The following ANKUB1 variants were observed in gnomAD, a reference collection of about 807,000 sequenced individuals.
ANKUB1 encodes ankyrin repeat and ubiquitin domain containing 1.
ANKUB1 carries 42 observed loss-of-function variants against 49.3 expected under a neutral mutation model. The observed-to-expected ratio is 0.85, with a 90% CI of 0.67 to 1.10. The LOEUF is 1.10. ANKUB1 is among the 50% of genes least tolerant of loss of function. ANKUB1 has a pLI of 0.00. For synonymous variants in ANKUB1, 222 were observed against 231.0 expected (o/e 0.96, Z 0.35); for missense variants, 613 against 642.0 (o/e 0.95, Z 0.49).
chr3:149,773,685 T>C (rs1341142012), intron 3 of ANKUB1, among the ~76,000 whole-genome samples: 1 of 152,208 alleles, frequency 6.6e-6, no homozygotes, highest in East Asian at 1.9e-4. Context: ...TTTTATCTCC[T>C]GCTGAAATGA....
chr3:149,775,615 G>A (rs1717557465), intron 3 of ANKUB1, among the ~76,000 whole-genome samples: 3 of 152,054 alleles, frequency 2.0e-5, no homozygotes, highest in African/African-American at 7.3e-5. Flanking sequence ...ATGTGCCCAG[G>A]CAGCCATGAA....
chr3:149,769,683 A>G (rs1220499402), intron 4 of ANKUB1, among the ~76,000 whole-genome samples: 1 of 152,244 alleles, frequency 6.6e-6, no homozygotes, highest in East Asian at 1.9e-4. Context: ...CCTATAATTT[A>G]TTGAATGCTG....
intron 2 of ANKUB1, among the ~76,000 whole-genome samples, chr3:149,789,783 T>C (rs1334097508): frequency 6.6e-6 from 1 of 151,942 alleles, no homozygotes; most frequent in African/African-American, 2.4e-5. Flanking sequence ...GCTCATGCCA[T>C]CACGCGCAGC....
chr3:149,782,507 A>G (rs1717914928), intron 2 of ANKUB1, among the ~76,000 whole-genome samples: 1 of 152,188 alleles, frequency 6.6e-6, no homozygotes, highest in Non-Finnish European at 1.5e-5. Flanking sequence ...TAGTATACAT[A>G]TAACTGACTC....
intron 5 of ANKUB1, chr3:149,763,925 A>G: frequency 4.4e-6 from 2 of 456,302 alleles, no homozygotes; most frequent in Middle Eastern, 6.5e-4. Context: ...CCTGAATGAC[A>G]TGTGGTCCAA....
chr3:149,787,118 T>C (rs1718138262), intron 2 of ANKUB1, among the ~76,000 whole-genome samples: 1 of 152,204 alleles, frequency 6.6e-6, no homozygotes, highest in South Asian at 2.1e-4. Flanking sequence ...AGAAAGTCAC[T>C]GGTAGCTTGA....
At chr3:149,784,156 C>T (rs1717984564) in intron 2 of ANKUB1, among the ~76,000 whole-genome samples, 1 of 152,196 alleles carries the variant, frequency 6.6e-6, no homozygotes, top group African/African-American at 2.4e-5. Flanking sequence ...CTCAATCTCT[C>T]AGCATAAAAC....
At chr3:149,768,687 G>A (rs892629163) in intron 4 of ANKUB1, among the ~76,000 whole-genome samples, 1 of 152,112 alleles carries the variant, frequency 6.6e-6, no homozygotes, top group African/African-American at 2.4e-5. Flanking sequence ...GATTACAGGT[G>A]CGAGCCACCA....
chr3:149,789,845 G>T (rs1230298033), intron 2 of ANKUB1, among the ~76,000 whole-genome samples: 2 of 152,030 alleles, frequency 1.3e-5, no homozygotes, highest in East Asian at 1.9e-4. Context: ...GGCCAGGATG[G>T]TCTCTATCTC....
At chr3:149,780,811 T>C (rs918682774) in intron 2 of ANKUB1, among the ~76,000 whole-genome samples, 2 of 152,244 alleles carry the variant, frequency 1.3e-5, no homozygotes, top group African/African-American at 4.8e-5. Flanking sequence ...TTTGGAATAC[T>C]GTGGATTTGA....
intron 5 of ANKUB1, chr3:149,766,730 C>G: frequency 1.3e-6 from 1 of 770,200 alleles, no homozygotes; most frequent in South Asian, 1.6e-5. Flanking sequence ...CCTAGGAATT[C>G]AAGAATGCAA....
At chr3:149,777,790 T>A (rs1169784956) in intron 3 of ANKUB1, among the ~76,000 whole-genome samples, 1 of 152,236 alleles carries the variant, frequency 6.6e-6, no homozygotes, top group African/African-American at 2.4e-5. Context: ...TTGAGCTGAT[T>A]TACTGGATTT....
intron 4 of ANKUB1, among the ~76,000 whole-genome samples, chr3:149,769,461 T>G (rs1451439643): frequency 6.6e-6 from 1 of 152,234 alleles, no homozygotes; most frequent in East Asian, 1.9e-4. Context: ...TAACTGAATG[T>G]GAAATTGGCA....
chr3:149,767,847 G>A lies in ANKUB1; in HGVS notation c.815C>T (p.Ala272Val). ...AATGGTCAGGGGAGTTTGTCCTGCT[G>A]CATTTTTGCATTCCAGGCACAGCAC... ...YSVLCLECKNAAGQTPLTIVF... is the reference protein window; with the variant it reads ...YSVLCLECKNVAGQTPLTIVF... The change falls in exon 5 of 6, where the codon GCA (alanine) becomes GTA (valine). Residue 272 changes from alanine (A) to valine (V), a missense_variant. By Grantham distance (64) the Ala-to-Val change is moderately conservative. Coordinates refer to ENST00000446160, the MANE Select transcript of ANKUB1 (RefSeq NM_001144960.3). The A allele has an allele frequency of 6.4e-7, 1 of 1,551,722 alleles. No homozygotes were observed. The highest frequency in any genetic ancestry group is 8.7e-7 in the Non-Finnish European group (1 of 1,147,004).
chr3:149,763,824 C>A (rs778884615), intron 5 of ANKUB1: 12 of 439,090 alleles, frequency 2.7e-5, no homozygotes, highest in Non-Finnish European at 5.5e-5. Context: ...CAACCCAAAC[C>A]CACATTAGCG....
intron 2 of ANKUB1, among the ~76,000 whole-genome samples, chr3:149,788,387 T>C (rs1267622395): frequency 6.6e-6 from 1 of 150,992 alleles, no homozygotes. Context: ...AATAAACTCC[T>C]CTTTTTTTTT....
intron 3 of ANKUB1, among the ~76,000 whole-genome samples, chr3:149,772,259 G>A (rs921402900): frequency 2.6e-5 from 4 of 152,058 alleles, no homozygotes; most frequent in Admixed American, 6.5e-5. Flanking sequence ...AACTTCAAAC[G>A]ATCCATCCGC....
In ANKUB1 at chr3:149,770,437, A is replaced by C. The variant is rs1717296038; in HGVS notation, c.566+123T>G. ...AATAATATTTGGTTGAGACATACTA[A>C]GTGGAACTGGCATAGAGCAGCACCC... On this transcript the variant is annotated intron_variant, in intron 4 of 5. Transcript: ENST00000446160. 8.8e-6 allele frequency: 6 copies of C among 685,158 alleles called. No homozygotes were observed. In the South Asian group the frequency reaches 1.1e-4, roughly 12 times the overall value. 42.4% of individuals were successfully genotyped at this position (685,158 alleles called of 1,614,324 possible).
At chr3:149,764,064 G>A (rs562366113) in intron 5 of ANKUB1, 2 of 455,714 alleles carry the variant, frequency 4.4e-6, no homozygotes, top group South Asian at 3.1e-5. Flanking sequence ...ATTACATTAG[G>A]TTCTTCCCCA....
Sources: gnomAD v4.1 joint callset for allele counts (sites outside exome capture counted in the v4.1 genomes callset) on GRCh38, gnomAD v4.1.1 for gene constraint, MANE v1.5 for transcripts, NCBI Gene and HGNC (gene_info 2026-07-23, HGNC 2026-07-21) for gene names.